MTUS2: variants seen among roughly 807,000 people sequenced by gnomAD.
MTUS2 encodes microtubule-associated tumor suppressor candidate 2.
MTUS2 carries 40 observed loss-of-function variants against 114.1 expected under a neutral mutation model. The observed-to-expected ratio is 0.35, with a 90% CI of 0.27 to 0.46. The LOEUF is 0.46. Among genes scored for constraint, MTUS2 ranks in the 20% least tolerant of loss-of-function variants. The pLI, the probability that MTUS2 is intolerant of heterozygous loss-of-function variation, is 1.00. For missense variants in MTUS2, 1,679 were observed against 1,705.4 expected (o/e 0.98, Z 0.27); for synonymous variants, 688 against 672.0 (o/e 1.02, Z -0.37).
At chr13:28,954,243 C>T (rs1024979915) in intron 2 of MTUS2, among the ~76,000 whole-genome samples, 4 of 152,194 alleles carry the variant, frequency 2.6e-5, no homozygotes, top group South Asian at 4.2e-4. Flanking sequence ...AAGAATTTCT[C>T]AGTGGCGGCT....
intron 2 of MTUS2, among the ~76,000 whole-genome samples, chr13:28,910,823 A>C (rs762265787): frequency 7.3e-6 from 1 of 137,406 alleles, no homozygotes; most frequent in Non-Finnish European, 1.5e-5. Context: ...GCTATTGTGA[A>C]TAGTGGCTGC....
At chr13:29,363,733 A>G (rs1265586298) in intron 8 of MTUS2, among the ~76,000 whole-genome samples, 1 of 152,220 alleles carries the variant, frequency 6.6e-6, no homozygotes, top group Admixed American at 6.5e-5. Flanking sequence ...TTCAGTTCAC[A>G]TATATTAGTA....
chr13:29,454,013 T>A (rs976387468), intron 9 of MTUS2, among the ~76,000 whole-genome samples: 1 of 152,238 alleles, frequency 6.6e-6, no homozygotes, highest in African/African-American at 2.4e-5. Context: ...GCAGATGATT[T>A]GAACAAATAT....
chr13:29,168,888 C>CTGTGTGTGTG (rs57636866), intron 5 of MTUS2, among the ~76,000 whole-genome samples: 10,574 of 138,366 alleles, frequency 0.076, 489 homozygotes, highest in Middle Eastern at 0.088. Context: ...CTTTATGAAT[C>CTGTGTGTGTG]TGTGTGTGTG....
chr13:29,401,465 G>A (rs1874336931), intron 8 of MTUS2, among the ~76,000 whole-genome samples: 1 of 151,984 alleles, frequency 6.6e-6, no homozygotes, highest in Admixed American at 6.6e-5. Context: ...TTAGATATTT[G>A]CCTCTGATAC....
rs1896872149 is a variant in MTUS2 at position 29,245,079 on chromosome 13, A to G, written c.2645-36625A>G. 1.3e-5 allele frequency among the ~76,000 whole-genome samples: 2 copies of G among 151,974 alleles called. 1 individual carries two copies. Among genetic ancestry groups the G allele is most frequent in the South Asian group, 4.2e-4 (2 of 4,812 alleles). ...ATTGAAAACATCCTATAAAGGGTTA[A>G]GTTTGAGCTGTTAAAAGATGAGCCT... On this transcript the variant is annotated intron_variant, in intron 5 of 15. Transcript: ENST00000612955.
At chr13:28,889,378 G>A (rs151067349) in intron 2 of MTUS2, among the ~76,000 whole-genome samples, 3 of 152,276 alleles carry the variant, frequency 2.0e-5, no homozygotes, top group East Asian at 3.9e-4. Flanking sequence ...CTCGTGTCAC[G>A]CTTGCAGGTA....
chr13:29,428,555 G>A lies in MTUS2; in HGVS notation c.3118-11428G>A, dbSNP rs1322208776. 6.2e-5 allele frequency: 40 copies of A among 642,748 alleles called. No homozygotes were observed. In the East Asian group the frequency reaches 1.2e-3, roughly 20 times the overall value. 39.8% of individuals were successfully genotyped at this position (642,748 alleles called of 1,614,324 possible). A position where few individuals can be genotyped will look rare whatever the true frequency, so the allele number is the denominator to read the frequency against. Reference sequence around the variant, plus strand: ...TTTGCCTCACCCTGAGGACTCCAGTGGCAAAGTGACCCTCCCTCCTGCCTG... The same window carrying A: ...TTTGCCTCACCCTGAGGACTCCAGTAGCAAAGTGACCCTCCCTCCTGCCTG... On this transcript the variant is annotated intron_variant, in intron 8 of 15. Transcript: ENST00000612955.
At position 29,471,266 on chromosome 13, in the gene MTUS2, C is replaced by A. The variant is rs577587704; in HGVS notation, c.3185-8884C>A. Among the ~76,000 whole-genome samples the A allele has an allele frequency of 2.6e-5, 4 of 152,148 alleles. No individual in the cohort carries two copies. The East Asian group carries it at 7.7e-4, about 29-fold the overall frequency. On this transcript the variant is annotated intron_variant, in intron 9 of 15. Coordinates refer to ENST00000612955, the MANE Select transcript of MTUS2 (RefSeq NM_001033602.4). ...GCTGAGGCAGGAGAATCGCTTGAAC[C>A]CAGAAGGCAGAGGATGTTGTGAGCC...
chr13:29,213,892 T>C (rs1015589216), intron 5 of MTUS2, among the ~76,000 whole-genome samples: 1 of 152,188 alleles, frequency 6.6e-6, no homozygotes, highest in African/African-American at 2.4e-5. Flanking sequence ...TCTTTTGTTT[T>C]CCCTGTTTTA....
Position 28,904,275 on chromosome 13 carries a change from T to C in MTUS2, c.-243+64425T>C, listed in dbSNP as rs147275614. On this transcript the variant is annotated intron_variant, in intron 2 of 15. Transcript: ENST00000612955. Reference sequence around the variant, plus strand: ...AGCTCTTTAGTTTAATTAGATTCCATTTGTCAATTTTGTTGCCCTTGCTTT... The same window carrying C: ...AGCTCTTTAGTTTAATTAGATTCCACTTGTCAATTTTGTTGCCCTTGCTTT... Among the ~76,000 whole-genome samples, 335 of 152,254 alleles carry C rather than the reference T, an allele frequency of 2.2e-3. 1 individual carries two copies. The highest frequency in any genetic ancestry group is 7.9e-3 in the African/African-American group (329 of 41,568).
intron 6 of MTUS2, among the ~76,000 whole-genome samples, chr13:29,317,655 G>C (rs1900058407): frequency 8.9e-5 from 1 of 11,202 alleles, no homozygotes; most frequent in Non-Finnish European, 2.6e-4. Context: ...AGCCAGGATG[G>C]TCTCCATCTC....
Position 28,828,605 on chromosome 13 carries a change from G to A in MTUS2, c.-316+7994G>A, listed in dbSNP as rs562610662. On this transcript the variant is annotated intron_variant, in intron 1 of 15. Transcript: ENST00000612955. ...TTACAATTTATGTTCTTCTGCCATGGCTTCAGCCGGTCCCTCCGTTCGGGG... is the reference window on the plus strand; with the variant it reads ...TTACAATTTATGTTCTTCTGCCATGACTTCAGCCGGTCCCTCCGTTCGGGG... Among the ~76,000 whole-genome samples, 104 of 152,120 alleles carry A rather than the reference G, an allele frequency of 6.8e-4. 1 individual carries two copies. Among genetic ancestry groups the A allele is most frequent in the African/African-American group, 2.4e-3 (99 of 41,514 alleles).
intron 2 of MTUS2, among the ~76,000 whole-genome samples, chr13:28,980,915 T>A (rs542620409): frequency 7.2e-5 from 11 of 152,256 alleles, no homozygotes; most frequent in Non-Finnish European, 1.3e-4. Context: ...GGCTTATTAA[T>A]AACCACACTA....
intron 2 of MTUS2, among the ~76,000 whole-genome samples, chr13:28,979,916 C>T (rs571031632): frequency 1.6e-4 from 24 of 152,258 alleles, no homozygotes; most frequent in African/African-American, 5.8e-4. Flanking sequence ...TTCAAGTTAT[C>T]AAGAACCAGT....
chr13:29,300,459 T>G (rs1899150944), intron 6 of MTUS2, among the ~76,000 whole-genome samples: 3 of 152,200 alleles, frequency 2.0e-5, no homozygotes, highest in African/African-American at 7.2e-5. Context: ...TTTTCCATTG[T>G]GATTTTCAAC....
chr13:29,200,176 G>A (rs927068978), intron 5 of MTUS2, among the ~76,000 whole-genome samples: 6 of 150,942 alleles, frequency 4.0e-5, no homozygotes, highest in Admixed American at 6.6e-5. Flanking sequence ...AGGTTTTTTC[G>A]TGTCTCTGTC....
At chr13:28,963,499 C>T (rs1352654870) in intron 2 of MTUS2, among the ~76,000 whole-genome samples, 1 of 152,206 alleles carries the variant, frequency 6.6e-6, no homozygotes, top group East Asian at 1.9e-4. Flanking sequence ...TCTGTTTAAA[C>T]ACAGCATAAA....
rs777449147 is a variant in MTUS2 at position 29,470,395 on chromosome 13, G to A, written c.3185-9755G>A. On this transcript the variant is annotated intron_variant, in intron 9 of 15. Coordinates refer to ENST00000612955, the MANE Select transcript of MTUS2 (RefSeq NM_001033602.4). ...AGGGGAATTCCACTGTAAGATTACT[G>A]TCTGTCCTGCACCTCCCTCATCCCA... is the stretch of plus-strand genomic sequence containing the variant. Among the ~76,000 whole-genome samples the A allele has an allele frequency of 7.9e-5, 12 of 152,122 alleles. 1 individual carries two copies. The highest frequency in any genetic ancestry group is 2.9e-5 in the Non-Finnish European group (2 of 68,020).
Sources: gnomAD v4.1 joint callset for allele counts (sites outside exome capture counted in the v4.1 genomes callset) on GRCh38, gnomAD v4.1.1 for gene constraint, MANE v1.5 for transcripts, NCBI Gene and HGNC (gene_info 2026-07-23, HGNC 2026-07-21) for gene names.